The following TJP2 variants were observed in gnomAD, a reference collection of about 807,000 sequenced individuals.
TJP2 encodes Friedreich ataxia region gene X104 (tight junction protein ZO-2).
Under a neutral mutation model 133.1 loss-of-function variants are expected in TJP2, and 91 were observed. That is an observed-to-expected ratio of 0.68 (90% CI 0.58 to 0.81). The LOEUF (loss-of-function observed/expected upper bound fraction) is 0.81, where lower values mean the gene tolerates loss of function less well. TJP2 is among the 40% of genes least tolerant of loss of function. The pLI is 0.00. For synonymous variants in TJP2, 592 were observed against 583.4 expected (o/e 1.01, Z -0.21); for missense variants, 1,541 against 1,565.6 (o/e 0.98, Z 0.26).
Position 69,228,059 on chromosome 9 carries a change from A to G in TJP2, c.1398A>G (p.Ala466=), listed in dbSNP as rs368671250. The stretch of plus-strand genomic sequence containing the variant: ...CCTTTAAGTCCACAGGGGATATTGC[A>G]GGCACAGTTGTCCCAGAGACCAACA... ...PTPFKSTGDI[A]GTVVPETNKE... The change falls in exon 9 of 23, where the codon GCA becomes GCG. Residue 466 remains alanine, a synonymous_variant. Coordinates refer to ENST00000377245, the MANE Select transcript of TJP2 (RefSeq NM_004817.4). 6.2e-7 allele frequency: 1 copy of G among 1,613,936 alleles called. No homozygotes were observed. Among genetic ancestry groups the G allele is most frequent in the Non-Finnish European group, 8.5e-7 (1 of 1,179,948 alleles).
In TJP2 at chr9:69,221,447, G is replaced by T. The variant is rs1433007383; in HGVS notation, c.903G>T (p.Gly301=). The T allele has an allele frequency of 6.3e-7, 1 of 1,595,380 alleles. No individual in the cohort carries two copies. Among genetic ancestry groups the T allele is most frequent in the Non-Finnish European group, 8.5e-7 (1 of 1,170,836 alleles). The change falls in exon 5 of 23, where the codon GGG becomes GGT. Residue 301 remains glycine (G), a synonymous_variant. Transcript: ENST00000377245. ...GGAGCCCCAGCCCCGAGCCTAGGGGGCGGCCGGGGCCCATCGGGGTCCTCC... is the reference window on the plus strand; with the variant it reads ...GGAGCCCCAGCCCCGAGCCTAGGGGTCGGCCGGGGCCCATCGGGGTCCTCC... ...HSRSPSPEPR[G]RPGPIGVLLM... is the part of the protein sequence containing the mutation.
chr9:69,167,410 G>T (rs1824414919), intron 2 of TJP2, among the ~76,000 whole-genome samples: 1 of 151,944 alleles, frequency 6.6e-6, no homozygotes, highest in African/African-American at 2.4e-5. Context: ...AAATTTCTTG[G>T]TGCTCTTCTG....
chr9:69,219,962 C>G (rs1294238605), intron 4 of TJP2, among the ~76,000 whole-genome samples: 5 of 151,896 alleles, frequency 3.3e-5, no homozygotes, highest in Non-Finnish European at 7.4e-5. Flanking sequence ...ACCAGCCTGG[C>G]CAACATGGTG....
At chr9:69,141,714 C>A (rs1034259122) in intron 1 of TJP2, among the ~76,000 whole-genome samples, 1 of 152,132 alleles carries the variant, frequency 6.6e-6, no homozygotes, top group African/African-American at 2.4e-5. Context: ...CCTCAGCCTC[C>A]CGAGTAGCTG....
In TJP2 at chr9:69,189,663, TAAAA is replaced by T. The variant is rs34446622; in HGVS notation, c.60+15241_60+15244del. 1.1e-4 allele frequency among the ~76,000 whole-genome samples: 7 copies of T among 65,642 alleles called. 2 individuals are homozygous for T. The East Asian group carries it at 2.3e-3, about 22-fold the overall frequency. The allele number at this position is 65,642 out of a possible 152,430, so 43.1% of individuals were successfully genotyped here. On this transcript the variant is annotated intron_variant, in intron 1 of 22. Transcript: ENST00000377245. ...TTTTTTTTTTTAAGTTTAAAAAAGT[TAAAA>T]AAAAAAAAAGACAAAGAAAAAGGAA...
At position 69,124,280 on chromosome 9, in the gene TJP2, T is replaced by C. The variant is rs1244951756; in HGVS notation, c.-131+2555T>C. On this transcript the variant is annotated intron_variant, in intron 1 of 5. Coordinates refer to the TJP2 transcript ENST00000423935. Reference sequence around the variant, plus strand: ...GCTTCAACCTCTCAGGCTCAAGTGATCCTCCCACCTCAGCCTCCCAAGTAG... The same window carrying C: ...GCTTCAACCTCTCAGGCTCAAGTGACCCTCCCACCTCAGCCTCCCAAGTAG... Among the ~76,000 whole-genome samples the C allele has an allele frequency of 2.6e-5, 2 of 76,858 alleles. 1 individual carries two copies. The allele number at this position is 76,858 out of a possible 152,430, so 50.4% of individuals were successfully genotyped here. A position where few individuals can be genotyped will look rare whatever the true frequency, so the allele number is the denominator to read the frequency against.
intron 11 of TJP2, among the ~76,000 whole-genome samples, chr9:69,231,468 T>TA: frequency 6.6e-6 from 1 of 151,968 alleles, no homozygotes; most frequent in Admixed American, 6.6e-5. Context: ...GGTTTTTTTT[T>TA]TCTTGTTAAT....
intron 1 of TJP2, among the ~76,000 whole-genome samples, chr9:69,186,313 C>A (rs1056392378): frequency 2.0e-5 from 3 of 152,154 alleles, no homozygotes; most frequent in African/African-American, 7.2e-5. Context: ...TTTAGGCATA[C>A]TTCTGTAGTA....
intron 1 of TJP2, among the ~76,000 whole-genome samples, chr9:69,180,675 C>T (rs1370023683): frequency 6.6e-6 from 1 of 152,116 alleles, no homozygotes; most frequent in Non-Finnish European, 1.5e-5. Flanking sequence ...GTATATATGG[C>T]AAAGCAGATG....
Position 69,237,116 on chromosome 9 carries a change from A to G in TJP2, c.2159A>G (p.Glu720Gly). Residue 720 changes from glutamate to glycine, a missense_variant, in exon 14 of 23, where the codon GAG (glutamate) becomes GGG (glycine). By Grantham distance (98) the Glu-to-Gly change is moderately conservative. Coordinates refer to ENST00000377245, the MANE Select transcript of TJP2 (RefSeq NM_004817.4). The part of the protein sequence containing the change: ...VSVSTKFPAY[E>G]RVLLREAGFK... Reference sequence around the variant, plus strand: ...GTCAGCACCAAGTTCCCAGCTTATGAGAGGGTTTTGCTGCGAGAAGGTGAG... The same window carrying G: ...GTCAGCACCAAGTTCCCAGCTTATGGGAGGGTTTTGCTGCGAGAAGGTGAG... The G allele has an allele frequency of 1.2e-6, 2 of 1,614,092 alleles. No individual in the cohort carries two copies. The highest frequency in any genetic ancestry group is 1.1e-5 in the South Asian group (1 of 91,078).
intron 2 of TJP2, among the ~76,000 whole-genome samples, chr9:69,154,206 A>G (rs1182944012): frequency 6.6e-6 from 1 of 152,214 alleles, no homozygotes; most frequent in Non-Finnish European, 1.5e-5. Flanking sequence ...CTTAACTCAG[A>G]CGAGTAAAAA....
intron 1 of TJP2, among the ~76,000 whole-genome samples, chr9:69,139,053 A>G (rs1335398789): frequency 2.0e-5 from 3 of 152,106 alleles, no homozygotes; most frequent in African/African-American, 7.2e-5. Context: ...TGTCTCTACT[A>G]AAAATACAAA....
At chr9:69,221,863 C>CTTTT (rs11308693) in intron 5 of TJP2, among the ~76,000 whole-genome samples, 3 of 112,254 alleles carry the variant, frequency 2.7e-5, no homozygotes, top group South Asian at 3.1e-4. Flanking sequence ...GGAATAGCTA[C>CTTTT]TTTTTTTTTT....
chr9:69,210,886 C>A (rs1827854572), intron 1 of TJP2, among the ~76,000 whole-genome samples: 1 of 152,082 alleles, frequency 6.6e-6, no homozygotes, highest in Non-Finnish European at 1.5e-5. Flanking sequence ...GCCACCATGC[C>A]TGGCTAACTT....
At chr9:69,152,634 A>G (rs527528182) in intron 2 of TJP2, among the ~76,000 whole-genome samples, 3 of 152,086 alleles carry the variant, frequency 2.0e-5, no homozygotes, top group Admixed American at 2.0e-4. Flanking sequence ...CATCTGTAAA[A>G]AGGGAACGTC....
chr9:69,218,555 A>T lies in TJP2; in HGVS notation c.342+196A>T, dbSNP rs1270856303. The T allele has an allele frequency of 6.5e-6, 4 of 614,528 alleles. No individual in the cohort carries two copies. The East Asian group carries it at 1.2e-4, about 18-fold the overall frequency. The allele number at this position is 614,528 out of a possible 1,614,324, so 38.1% of individuals were successfully genotyped here. A position where few individuals can be genotyped will look rare whatever the true frequency, so the allele number is the denominator to read the frequency against. On this transcript the variant is annotated intron_variant, in intron 4 of 22. Coordinates refer to ENST00000377245, the MANE Select transcript of TJP2 (RefSeq NM_004817.4). The stretch of plus-strand genomic sequence containing the variant: ...CTACTTTTCCTTGTGTCTTCTCCTG[A>T]GGCCAGTGATTCTCTGATCTGAGTT...
At position 69,196,567 on chromosome 9, in the gene TJP2, C is replaced by T. The variant is rs183942375; in HGVS notation, c.61-15981C>T. Among the ~76,000 whole-genome samples, 5 of 151,968 alleles carry T rather than the reference C, an allele frequency of 3.3e-5. No homozygotes were observed. In the East Asian group the frequency reaches 7.8e-4, roughly 24 times the overall value. On this transcript the variant is annotated intron_variant, in intron 1 of 22. Transcript: ENST00000377245. ...AAAGGGTGGAGCATGGATTTGAATC[C>T]ACACTTTCTGACTACAGACTCTACG...
chr9:69,147,584 C>T (rs567610646), intron 1 of TJP2, among the ~76,000 whole-genome samples: 2 of 152,200 alleles, frequency 1.3e-5, no homozygotes, highest in South Asian at 2.1e-4. Flanking sequence ...TGAAGGGATT[C>T]GGCCTAAACA....
chr9:69,249,319 G>A (rs373297381), intron 19 of TJP2, 56 bp from the exon 20 acceptor site: 1 of 1,559,168 alleles, frequency 6.4e-7, no homozygotes. Context: ...GCAGTCGAGT[G>A]CTCTGTTCTC....
Sources: allele counts gnomAD v4.1 joint callset (sites outside exome capture counted in the v4.1 genomes callset), GRCh38; gene constraint gnomAD v4.1.1; transcripts MANE v1.5; gene names NCBI Gene and HGNC (gene_info 2026-07-23, HGNC 2026-07-21).